Variants in SMURF1 observed in about 807,000 individuals in gnomAD.
SMURF1 encodes the protein E3 ubiquitin-protein ligase SMURF1.
A neutral mutation model predicts 98.0 loss-of-function variants in SMURF1; 44 were observed. The observed-to-expected ratio is 0.45, with a 90% CI of 0.35 to 0.58. The LOEUF (loss-of-function observed/expected upper bound fraction) is 0.58. SMURF1 is among the 20% of genes least tolerant of loss of function. The probability of loss-of-function intolerance (pLI) is 0.00; values close to 1 mark genes in which losing one functional copy is unlikely to be tolerated. For missense variants in SMURF1, 687 were observed against 938.4 expected (o/e 0.73, Z 3.50); for synonymous variants, 396 against 374.9 (o/e 1.06, Z -0.65).
intron 1 of SMURF1, among the ~76,000 whole-genome samples, chr7:99,086,203 A>C (rs773058718): frequency 3.9e-5 from 6 of 152,028 alleles, no homozygotes; most frequent in Admixed American, 6.6e-5. Context: ...AAAATTAGCC[A>C]GGCATGGTGA....
intron 1 of SMURF1, among the ~76,000 whole-genome samples, chr7:99,100,905 G>C (rs1797063096): frequency 6.6e-6 from 1 of 152,192 alleles, no homozygotes; most frequent in Non-Finnish European, 1.5e-5. Context: ...TAAATCCAAA[G>C]CCGAGAAAGA....
intron 1 of SMURF1, among the ~76,000 whole-genome samples, chr7:99,078,335 A>G (rs1041532598): frequency 1.8e-4 from 28 of 152,096 alleles, no homozygotes; most frequent in Non-Finnish European, 4.4e-5. Flanking sequence ...CACACTTCCA[A>G]CTTGAATAAA....
intron 1 of SMURF1, among the ~76,000 whole-genome samples, chr7:99,140,141 G>C (rs1419520512): frequency 2.0e-5 from 3 of 152,054 alleles, no homozygotes; most frequent in Non-Finnish European, 4.4e-5. Flanking sequence ...ACCCAAAAAG[G>C]TTAAATAACT....
At chr7:99,041,514 C>T (rs751542126) in intron 12 of SMURF1, among the ~76,000 whole-genome samples, 4 of 152,172 alleles carry the variant, frequency 2.6e-5, no homozygotes, top group Non-Finnish European at 4.4e-5. Context: ...TGAATCAAAA[C>T]TCTGCTTCCA....
intron 1 of SMURF1, among the ~76,000 whole-genome samples, chr7:99,085,071 C>A (rs1037750172): frequency 6.6e-6 from 1 of 152,124 alleles, no homozygotes; most frequent in African/African-American, 2.4e-5. Flanking sequence ...TTCCTGGTGG[C>A]CGGGCACGGT....
At chr7:99,099,209 CTTTTTTTTT>C (rs57973305) in intron 1 of SMURF1, among the ~76,000 whole-genome samples, 6 of 129,502 alleles carry the variant, frequency 4.6e-5, no homozygotes, top group Non-Finnish European at 1.6e-5. Flanking sequence ...AACACTACTA[CTTTTTTTTT>C]TTTTTTTTTT....
chr7:99,102,240 T>G (rs1371987205), intron 1 of SMURF1, among the ~76,000 whole-genome samples: 2 of 152,224 alleles, frequency 1.3e-5, no homozygotes, highest in Admixed American at 6.5e-5. Context: ...ATGAAATTAT[T>G]TCAATATTTT....
At chr7:99,131,696 G>A (rs185437606) in intron 1 of SMURF1, among the ~76,000 whole-genome samples, 9 of 152,174 alleles carry the variant, frequency 5.9e-5, no homozygotes, top group Middle Eastern at 3.4e-3. Context: ...CAGCCTGGGC[G>A]ACAGAACAAG....
intron 1 of SMURF1, among the ~76,000 whole-genome samples, chr7:99,107,132 C>A (rs1797211265): frequency 6.6e-6 from 1 of 152,172 alleles, no homozygotes. Flanking sequence ...GTTCCCATCA[C>A]CTCTGTAGCA....
At position 99,139,959 on chromosome 7, in the gene SMURF1, G is replaced by T. The variant is rs1211602534; in HGVS notation, c.55+3767C>A. Among the ~76,000 whole-genome samples, 3 of 152,132 alleles carry T rather than the reference G, an allele frequency of 2.0e-5. No individual in the cohort carries two copies. In the South Asian group the frequency reaches 6.2e-4, roughly 31 times the overall value. On this transcript the variant is annotated intron_variant, in intron 1 of 17. Transcript: ENST00000361368. Reference sequence around the variant, plus strand: ...TGCTTGGCATAAATCAAACACATGTGCTACACTCCAACACAATTTTCTGAA... The same window carrying T: ...TGCTTGGCATAAATCAAACACATGTTCTACACTCCAACACAATTTTCTGAA...
chr7:99,142,588 G>T, intron 1 of SMURF1, among the ~76,000 whole-genome samples: 1 of 142,572 alleles, frequency 7.0e-6, no homozygotes, highest in South Asian at 2.3e-4. Flanking sequence ...ATGAGGGCGG[G>T]GCTTGAAAGT....
chr7:99,113,837 TAAAAAAAAAAAAAAAAA>T (rs71118659), intron 1 of SMURF1, among the ~76,000 whole-genome samples: 3 of 33,952 alleles, frequency 8.8e-5, no homozygotes, highest in South Asian at 1.9e-3. Flanking sequence ...AGACTCCGTC[TAAAAAAAAAAAAAAAAA>T]AAAAAAAAAA....
intron 9 of SMURF1, chr7:99,048,306 T>A (rs1795648438): frequency 5.7e-6 from 1 of 174,470 alleles, no homozygotes; most frequent in Non-Finnish European, 1.2e-5. Flanking sequence ...GGGAAATCGC[T>A]TGAACCCGGG....
chr7:99,141,015 T>C (rs941862025), intron 1 of SMURF1, among the ~76,000 whole-genome samples: 9 of 152,188 alleles, frequency 5.9e-5, no homozygotes, highest in Non-Finnish European at 1.5e-5. Flanking sequence ...ATGTGTACCA[T>C]TACCGCTAAA....
chr7:99,057,597 TTTG>T lies in SMURF1; in HGVS notation c.204-49_204-47del, dbSNP rs138887386. ...TCATTTTTAATTGTGTTTGGTTTTTTTTGTTTTGTTTTTTTTTTTTTTTGAGAT... is the reference window on the plus strand; with the variant it reads ...TCATTTTTAATTGTGTTTGGTTTTTTTTTTGTTTTTTTTTTTTTTTGAGAT... On this transcript the variant is annotated intron_variant, in intron 3 of 17. Transcript: ENST00000361368. 795 of 1,424,410 alleles carry T rather than the reference TTTG, an allele frequency of 5.6e-4. 3 individuals carry two copies. The highest frequency in any genetic ancestry group is 1.9e-3 in the South Asian group (129 of 66,962). The allele number at this position is 1,424,410 out of a possible 1,614,324, so 88.2% of individuals were successfully genotyped here. A position where few individuals can be genotyped will look rare whatever the true frequency, so the allele number is the denominator to read the frequency against.
At chr7:99,039,248 C>A (rs1402327291) in intron 13 of SMURF1, among the ~76,000 whole-genome samples, 1 of 151,438 alleles carries the variant, frequency 6.6e-6, no homozygotes, top group African/African-American at 2.4e-5. Flanking sequence ...AGGCAGCCTT[C>A]CCAAAGGCAT....
chr7:99,092,005 T>C (rs768518207), intron 1 of SMURF1, among the ~76,000 whole-genome samples: 1 of 152,224 alleles, frequency 6.6e-6, no homozygotes, highest in Non-Finnish European at 1.5e-5. Context: ...ATTTCCCAGA[T>C]GGGTGATGGA....
chr7:99,038,811 T>C (rs1000308980), intron 13 of SMURF1, among the ~76,000 whole-genome samples: 1 of 152,152 alleles, frequency 6.6e-6, no homozygotes, highest in Non-Finnish European at 1.5e-5. Context: ...CCAGCTGCTT[T>C]GTAAGCAGTG....
At chr7:99,134,226 C>A (rs1341417770) in intron 1 of SMURF1, among the ~76,000 whole-genome samples, 1 of 137,462 alleles carries the variant, frequency 7.3e-6, no homozygotes, top group Non-Finnish European at 1.6e-5. Flanking sequence ...GTTTATTTTT[C>A]TCTTTTCCCC....
Sources: gnomAD v4.1 joint callset for allele counts (sites outside exome capture counted in the v4.1 genomes callset) on GRCh38, gnomAD v4.1.1 for gene constraint, MANE v1.5 for transcripts, NCBI Gene and HGNC (gene_info 2026-07-23, HGNC 2026-07-21) for gene names.